LRRFIP1: variants seen among roughly 807,000 people sequenced by gnomAD.
LRRFIP1 encodes leucine-rich repeat flightless-interacting protein 1.
LRRFIP1 carries 62 observed loss-of-function variants against 104.4 expected under a neutral mutation model. The observed-to-expected ratio is 0.59, with a 90% CI of 0.48 to 0.73. The LOEUF is 0.73. Ranked by LOEUF, LRRFIP1 falls within the 30% of genes least tolerant of loss-of-function variation. The pLI is 0.00. For missense variants in LRRFIP1, 796 were observed against 824.5 expected (o/e 0.97, Z 0.42); for synonymous variants, 300 against 299.0 (o/e 1.00, Z -0.03).
At chr2:237,635,192 T>G (rs896401522) in intron 1 of LRRFIP1, among the ~76,000 whole-genome samples, 2 of 152,252 alleles carry the variant, frequency 1.3e-5, no homozygotes, top group Non-Finnish European at 2.9e-5. Context: ...TATTCTACAT[T>G]CATACTTGAT....
intron 23 of LRRFIP1, among the ~76,000 whole-genome samples, chr2:237,778,903 C>T (rs1282591994): frequency 1.3e-4 from 20 of 148,598 alleles, no homozygotes; most frequent in East Asian, 2.0e-4. Context: ...GGTGACAGAG[C>T]GAGACTTTGT....
chr2:237,762,906 A>C (rs780464417), intron 19 of LRRFIP1: 2 of 1,614,210 alleles, frequency 1.2e-6, no homozygotes, highest in Non-Finnish European at 1.7e-6. Context: ...GGTGCACCAG[A>C]TGACAGGACC....
At chr2:237,636,303 C>T (rs2083099250) in intron 1 of LRRFIP1, among the ~76,000 whole-genome samples, 1 of 146,978 alleles carries the variant, frequency 6.8e-6, no homozygotes, top group Non-Finnish European at 1.5e-5. Flanking sequence ...ACAGTAATTT[C>T]TGTAAGACAG....
At chr2:237,658,346 A>C (rs1415115064) in intron 1 of LRRFIP1, among the ~76,000 whole-genome samples, 1 of 152,360 alleles carries the variant, frequency 6.6e-6, no homozygotes, top group East Asian at 1.9e-4. Context: ...ACACTATAAA[A>C]ATATCAAACC....
chr2:237,668,956 T>TA (rs1443611828), intron 1 of LRRFIP1, among the ~76,000 whole-genome samples: 1 of 152,242 alleles, frequency 6.6e-6, no homozygotes, highest in Non-Finnish European at 1.5e-5. Flanking sequence ...GACTTTTTTT[T>TA]AACATAGTCT....
chr2:237,689,427 G>A (rs184364106), intron 1 of LRRFIP1, among the ~76,000 whole-genome samples: 8 of 152,294 alleles, frequency 5.3e-5, no homozygotes, highest in Non-Finnish European at 1.0e-4. Context: ...TGTCAGGATG[G>A]CAGTTTTCTT....
chr2:237,660,815 A>G (rs1477636944), intron 1 of LRRFIP1, among the ~76,000 whole-genome samples: 1 of 152,218 alleles, frequency 6.6e-6, no homozygotes, highest in Non-Finnish European at 1.5e-5. Flanking sequence ...TGAAAAAAGC[A>G]AGGGCAGAAC....
chr2:237,771,203 C>T (rs2060588289), intron 20 of LRRFIP1, among the ~76,000 whole-genome samples: 1 of 151,354 alleles, frequency 6.6e-6, no homozygotes, highest in Non-Finnish European at 1.5e-5. Context: ...GAAAGTTCTG[C>T]AGTCATTGAC....
chr2:237,692,470 G>A lies in LRRFIP1; in HGVS notation c.97-16074G>A. On this transcript the variant is annotated intron_variant, in intron 1 of 23. Coordinates refer to ENST00000308482, the MANE Select transcript of LRRFIP1 (RefSeq NM_001137550.2). Reference sequence around the variant, plus strand: ...AGCCCGGCAGGATGACCAGCCCCGCGGCCGCTCAAAGCCGGGAGATCGACT... The same window carrying A: ...AGCCCGGCAGGATGACCAGCCCCGCAGCCGCTCAAAGCCGGGAGATCGACT... 4 of 1,530,990 alleles carry A rather than the reference G, an allele frequency of 2.6e-6. No homozygotes were observed. In the South Asian group the frequency reaches 4.9e-5, roughly 19 times the overall value. The allele number at this position is 1,530,990 out of a possible 1,614,324, so 94.8% of individuals were successfully genotyped here.
At chr2:237,726,616 A>G (rs2094762383) in intron 7 of LRRFIP1, among the ~76,000 whole-genome samples, 1 of 152,240 alleles carries the variant, frequency 6.6e-6, no homozygotes, top group South Asian at 2.1e-4. Flanking sequence ...CAGATGTTCA[A>G]GTGCATTAAA....
chr2:237,760,097 A>G lies in LRRFIP1; in HGVS notation c.1351A>G (p.Thr451Ala), dbSNP rs2059702647. ...AATAATCCTAAATTCAGAAATAGCT[A>G]CCAATGGAGAGACTTCCGACACCCT... ...HGIILNSEIA[T>A]NGETSDTLNN... Residue 451 changes from threonine to alanine, a missense_variant, in exon 19 of 24, where the codon ACC becomes GCC. Physicochemically the swap from Thr to Ala is moderately conservative, Grantham distance 58. Coordinates refer to ENST00000308482, the MANE Select transcript of LRRFIP1 (RefSeq NM_001137550.2). 15 of 1,613,712 alleles carry G rather than the reference A, an allele frequency of 9.3e-6. No homozygotes were observed. In the East Asian group the frequency reaches 3.3e-4, roughly 36 times the overall value.
At chr2:237,718,980 T>C (rs1244120480) in intron 4 of LRRFIP1, among the ~76,000 whole-genome samples, 3 of 152,236 alleles carry the variant, frequency 2.0e-5, no homozygotes, top group Non-Finnish European at 4.4e-5. Context: ...TTTGAAGTTG[T>C]ATCATTGTTT....
At chr2:237,732,506 C>G (rs577360153) in intron 8 of LRRFIP1, among the ~76,000 whole-genome samples, 1 of 152,230 alleles carries the variant, frequency 6.6e-6, no homozygotes, top group African/African-American at 2.4e-5. Flanking sequence ...TCAGCCTCCT[C>G]TACACAAAGT....
intron 22 of LRRFIP1, chr2:237,774,027 C>T (rs2060880376): frequency 4.1e-6 from 1 of 244,686 alleles, no homozygotes; most frequent in Non-Finnish European, 8.0e-6. Flanking sequence ...GAACACGTCC[C>T]TTACCAGCAC....
intron 11 of LRRFIP1, among the ~76,000 whole-genome samples, chr2:237,746,740 A>G (rs1459494701): frequency 7.9e-5 from 12 of 152,264 alleles, no homozygotes; most frequent in Admixed American, 7.9e-4. Context: ...GGCTGCACCC[A>G]ACGTGAGAAT....
chr2:237,678,979 A>G (rs1227828484), intron 1 of LRRFIP1, among the ~76,000 whole-genome samples: 1 of 152,208 alleles, frequency 6.6e-6, no homozygotes, highest in African/African-American at 2.4e-5. Context: ...AGGAAACTGA[A>G]ACACAAAGAG....
intron 1 of LRRFIP1, among the ~76,000 whole-genome samples, chr2:237,687,727 G>A (rs143116597): frequency 1.8e-4 from 28 of 152,098 alleles, no homozygotes; most frequent in African/African-American, 5.1e-4. Flanking sequence ...AGTGATTCAC[G>A]TTCATGAAAA....
chr2:237,675,604 G>A (rs1196402905), intron 1 of LRRFIP1, among the ~76,000 whole-genome samples: 1 of 151,996 alleles, frequency 6.6e-6, no homozygotes, highest in African/African-American at 2.4e-5. Flanking sequence ...TTTTCTTTCT[G>A]TTCTTCCTCC....
chr2:237,706,308 C>T (rs1036246926), intron 1 of LRRFIP1, among the ~76,000 whole-genome samples: 1 of 152,174 alleles, frequency 6.6e-6, no homozygotes, highest in Non-Finnish European at 1.5e-5. Flanking sequence ...TTCCCCCAAC[C>T]CTTTCCTCTT....
Sources: allele counts gnomAD v4.1 joint callset (sites outside exome capture counted in the v4.1 genomes callset), GRCh38; gene constraint gnomAD v4.1.1; transcripts MANE v1.5; gene names NCBI Gene and HGNC (gene_info 2026-07-23, HGNC 2026-07-21).